The following RGS6 variants were observed in gnomAD, a reference collection of about 807,000 sequenced individuals.
RGS6 encodes the protein regulator of G-protein signaling 6.
In RGS6, 30 loss-of-function variants were observed where a neutral mutation model predicts 78.5. The ratio of observed to expected loss-of-function variants is 0.38; its 90% confidence interval spans 0.29 to 0.52. RGS6 has a LOEUF of 0.52. Ranked by LOEUF, RGS6 falls within the 20% of genes least tolerant of loss-of-function variation. The probability of loss-of-function intolerance (pLI) is 0.85; values close to 1 mark genes in which losing one functional copy is unlikely to be tolerated. For missense variants in RGS6, 495 were observed against 609.7 expected, an observed-to-expected ratio of 0.81 and a Z score of 1.98; for synonymous variants, 206 against 206.0, an observed-to-expected ratio of 1.00 and a Z score of 0.00.
intron 15 of RGS6, among the ~76,000 whole-genome samples, chr14:72,520,468 A>G (rs1052063336): frequency 1.8e-4 from 27 of 152,202 alleles, no homozygotes; most frequent in African/African-American, 6.5e-4. Flanking sequence ...TCTCTTTTTG[A>G]CCTTTTTGCA....
intron 2 of RGS6, among the ~76,000 whole-genome samples, chr14:72,055,964 T>C (rs2153424913): frequency 6.6e-6 from 1 of 152,378 alleles, no homozygotes; most frequent in South Asian, 2.1e-4. Context: ...ATTTATTTTT[T>C]TCTTATAACT....
At chr14:71,954,604 T>G (rs2153008914) in intron 1 of RGS6, among the ~76,000 whole-genome samples, 1 of 152,280 alleles carries the variant, frequency 6.6e-6, no homozygotes, top group East Asian at 1.9e-4. Context: ...TTTAGTTATT[T>G]TAAAATGTAC....
intron 2 of RGS6, among the ~76,000 whole-genome samples, chr14:72,031,860 G>T (rs1171060056): frequency 6.6e-6 from 1 of 152,130 alleles, no homozygotes. Context: ...TTAAATGATT[G>T]GGATAATACT....
intron 14 of RGS6, among the ~76,000 whole-genome samples, chr14:72,514,332 T>G (rs181026714): frequency 6.6e-6 from 1 of 152,320 alleles, no homozygotes; most frequent in East Asian, 1.9e-4. Flanking sequence ...AAATTCTAGT[T>G]TATGAAAAGA....
intron 3 of RGS6, among the ~76,000 whole-genome samples, chr14:72,392,451 C>A (rs1382055911): frequency 6.6e-6 from 1 of 152,048 alleles, no homozygotes. Flanking sequence ...CTATAGTTGT[C>A]CTACAGGATA....
chr14:72,013,974 G>A (rs978654187), intron 2 of RGS6, among the ~76,000 whole-genome samples: 6 of 152,160 alleles, frequency 3.9e-5, no homozygotes, highest in African/African-American at 1.4e-4. Flanking sequence ...TGTGAAAATC[G>A]TGTTTCCTTT....
intron 2 of RGS6, among the ~76,000 whole-genome samples, chr14:72,111,224 T>G (rs2153547265): frequency 6.6e-6 from 1 of 152,332 alleles, no homozygotes; most frequent in South Asian, 2.1e-4. Context: ...AAGAAATCGA[T>G]TCTTTTTAGC....
intron 3 of RGS6, among the ~76,000 whole-genome samples, chr14:72,394,909 G>A (rs1046396186): frequency 1.3e-5 from 2 of 152,164 alleles, no homozygotes; most frequent in African/African-American, 4.8e-5. Context: ...ACAGGCATAA[G>A]AAATTATAAA....
rs76674002 is a variant in RGS6 at position 72,233,353 on chromosome 14, C to T, written c.85-118742C>T. Among the ~76,000 whole-genome samples, 755 of 152,226 alleles carry T rather than the reference C, an allele frequency of 5.0e-3. 4 individuals carry two copies. The highest frequency in any genetic ancestry group is 0.018 in the African/African-American group (740 of 41,536). ...CCTTTATTTTCCACTTGGCCTGGAG[C>T]GTCTGTGAGTCCTTGTCAAATACTG... On this transcript the variant is annotated intron_variant, in intron 2 of 17. Transcript: ENST00000553525.
chr14:72,418,838 T>C (rs779355671), intron 3 of RGS6, among the ~76,000 whole-genome samples: 6 of 152,204 alleles, frequency 3.9e-5, no homozygotes, highest in Non-Finnish European at 8.8e-5. Flanking sequence ...ACCATATAGA[T>C]AAGAGGCAAG....
At chr14:72,551,991 A>C (rs983478039) in intron 17 of RGS6, among the ~76,000 whole-genome samples, 1 of 152,268 alleles carries the variant, frequency 6.6e-6, no homozygotes, top group African/African-American at 2.4e-5. Context: ...TAACAGGTGT[A>C]GCTCTTAGAA....
chr14:71,979,411 A>G (rs569607612), intron 2 of RGS6, among the ~76,000 whole-genome samples: 174 of 149,992 alleles, frequency 1.2e-3, no homozygotes, highest in African/African-American at 4.0e-3. Context: ...AGTGCTATAA[A>G]TTTCCCTCTA....
chr14:71,934,354 G>C (rs985629029), intron 1 of RGS6, among the ~76,000 whole-genome samples: 8 of 152,188 alleles, frequency 5.3e-5, no homozygotes, highest in African/African-American at 1.9e-4. Context: ...GAGTCTGCAA[G>C]TTCTATAAAT....
At chr14:72,315,087 G>T (rs2069728833) in intron 2 of RGS6, among the ~76,000 whole-genome samples, 1 of 152,186 alleles carries the variant, frequency 6.6e-6, no homozygotes, top group African/African-American at 2.4e-5. Flanking sequence ...GTATTTGGAT[G>T]CCTTTAGTAA....
chr14:72,034,584 C>T (rs769925575), intron 2 of RGS6, among the ~76,000 whole-genome samples: 3 of 152,032 alleles, frequency 2.0e-5, no homozygotes, highest in East Asian at 1.9e-4. Flanking sequence ...TATTTTGTTA[C>T]GAATGTTTGC....
intron 17 of RGS6, chr14:72,547,325 G>C (rs184519961): frequency 0.012 from 17,668 of 1,535,470 alleles, 110 homozygotes; most frequent in Non-Finnish European, 0.014. Flanking sequence ...AGTTCAAAGA[G>C]AAGTCAGAGA....
chr14:72,452,202 C>G (rs2095511575), intron 3 of RGS6, among the ~76,000 whole-genome samples: 2 of 149,844 alleles, frequency 1.3e-5, no homozygotes, highest in Admixed American at 1.4e-4. Flanking sequence ...CACACAGGCA[C>G]ATGTACACAC....
At chr14:72,336,512 TGAGAGA>T (rs35115421) in intron 2 of RGS6, among the ~76,000 whole-genome samples, 23 of 149,726 alleles carry the variant, frequency 1.5e-4, no homozygotes, top group Non-Finnish European at 2.7e-4. Context: ...TGTCATCTCC[TGAGAGA>T]GAGAGAGAGA....
intron 3 of RGS6, among the ~76,000 whole-genome samples, chr14:72,426,253 A>G (rs1219081555): frequency 6.6e-6 from 1 of 152,194 alleles, no homozygotes; most frequent in Non-Finnish European, 1.5e-5. Flanking sequence ...TTATTCTTCC[A>G]TGACCGCACT....
Sources: allele counts gnomAD v4.1 joint callset (sites outside exome capture counted in the v4.1 genomes callset), GRCh38; gene constraint gnomAD v4.1.1; transcripts MANE v1.5; gene names NCBI Gene and HGNC (gene_info 2026-07-23, HGNC 2026-07-21).